SEC22A: variants seen among roughly 807,000 people sequenced by gnomAD.
SEC22A encodes the protein SEC22 homolog A, vesicle trafficking protein.
SEC22A carries 22 observed loss-of-function variants against 35.3 expected under a neutral mutation model. The observed-to-expected ratio is 0.62, with a 90% CI of 0.45 to 0.89. The LOEUF (loss-of-function observed/expected upper bound fraction) is 0.89. Among genes scored for constraint, SEC22A ranks in the 40% least tolerant of loss-of-function variants. SEC22A has a pLI of 0.00. For missense variants in SEC22A, 354 were observed against 362.5 expected (o/e 0.98, Z 0.19); for synonymous variants, 119 against 129.5 (o/e 0.92, Z 0.55).
chr3:123,206,624 T>C (rs969143777), intron 1 of SEC22A, among the ~76,000 whole-genome samples: 14 of 152,134 alleles, frequency 9.2e-5, no homozygotes, highest in Admixed American at 3.3e-4. Context: ...GGGTTTATAG[T>C]ATAGATATCT....
At chr3:123,268,195 G>A (rs1938067882) in intron 6 of SEC22A, among the ~76,000 whole-genome samples, 1 of 152,184 alleles carries the variant, frequency 6.6e-6, no homozygotes, top group Non-Finnish European at 1.5e-5. Context: ...GTGATGTTTG[G>A]CTAGAGGATA....
intron 6 of SEC22A, among the ~76,000 whole-genome samples, chr3:123,268,189 TGTTTG>T (rs1938067821): frequency 6.6e-6 from 1 of 152,204 alleles, no homozygotes; most frequent in Non-Finnish European, 1.5e-5. Context: ...TTTTGTGTGA[TGTTTG>T]GCTAGAGGAT....
At chr3:123,250,663 A>G (rs1253244719) in intron 5 of SEC22A, among the ~76,000 whole-genome samples, 1 of 152,136 alleles carries the variant, frequency 6.6e-6, no homozygotes, top group African/African-American at 2.4e-5. Flanking sequence ...TCAGGAATTC[A>G]TGTTTCAAGG....
chr3:123,220,892 A>G (rs1288083870), intron 2 of SEC22A, among the ~76,000 whole-genome samples: 1 of 144,832 alleles, frequency 6.9e-6, no homozygotes, highest in Non-Finnish European at 1.5e-5. Flanking sequence ...ATATATATAT[A>G]TATATGTCAC....
At chr3:123,252,224 T>TTA (rs1553712269) in intron 5 of SEC22A, among the ~76,000 whole-genome samples, 3 of 152,170 alleles carry the variant, frequency 2.0e-5, no homozygotes, top group African/African-American at 7.2e-5. Flanking sequence ...AGACATACTC[T>TTA]TAGCCCTCTT....
intron 4 of SEC22A, among the ~76,000 whole-genome samples, chr3:123,230,770 G>A (rs557909420): frequency 1.4e-5 from 2 of 144,790 alleles, no homozygotes; most frequent in Admixed American, 1.4e-4. Context: ...TAAGAAAAAA[G>A]GGAAAAAATG....
chr3:123,234,178 ATTAT>A (rs1303884732), intron 4 of SEC22A, among the ~76,000 whole-genome samples: 1 of 152,244 alleles, frequency 6.6e-6, no homozygotes, highest in Non-Finnish European at 1.5e-5. Context: ...GAAAGACAGT[ATTAT>A]TTACATGGTT....
chr3:123,239,190 A>T (rs1311489815), intron 4 of SEC22A, among the ~76,000 whole-genome samples: 1 of 152,212 alleles, frequency 6.6e-6, no homozygotes, highest in African/African-American at 2.4e-5. Context: ...ATAGTTTGTT[A>T]TACTCACTGA....
intron 4 of SEC22A, among the ~76,000 whole-genome samples, chr3:123,226,305 T>C (rs1469016209): frequency 6.6e-6 from 1 of 152,226 alleles, no homozygotes; most frequent in East Asian, 1.9e-4. Flanking sequence ...GTTGTACTAA[T>C]TTACATCCCC....
intron 4 of SEC22A, among the ~76,000 whole-genome samples, chr3:123,239,539 A>G (rs1279874410): frequency 1.3e-5 from 2 of 151,044 alleles, no homozygotes; most frequent in African/African-American, 2.4e-5. Flanking sequence ...GTGAGATGGT[A>G]TCTCATTGTG....
chr3:123,203,518 A>T (rs1936794302), intron 1 of SEC22A, among the ~76,000 whole-genome samples: 1 of 152,238 alleles, frequency 6.6e-6, no homozygotes, highest in Non-Finnish European at 1.5e-5. Flanking sequence ...AGATGCTATT[A>T]GTAGCCACAA....
chr3:123,226,310 A>G (rs570956469), intron 4 of SEC22A, among the ~76,000 whole-genome samples: 32 of 152,312 alleles, frequency 2.1e-4, no homozygotes, highest in Admixed American at 7.8e-4. Flanking sequence ...ACTAATTTAC[A>G]TCCCCACCAA....
chr3:123,269,267 A>C (rs1938105258), intron 6 of SEC22A, among the ~76,000 whole-genome samples: 2 of 151,772 alleles, frequency 1.3e-5, no homozygotes, highest in African/African-American at 4.9e-5. Flanking sequence ...TCCAAGCAAT[A>C]AATATAGATA....
At chr3:123,262,889 G>C (rs1937925228) in intron 6 of SEC22A, among the ~76,000 whole-genome samples, 1 of 152,134 alleles carries the variant, frequency 6.6e-6, no homozygotes, top group Admixed American at 6.5e-5. Flanking sequence ...GATTTACGTG[G>C]AGTTGCAAGA....
At chr3:123,265,124 C>T (rs1937997874) in intron 6 of SEC22A, among the ~76,000 whole-genome samples, 1 of 152,130 alleles carries the variant, frequency 6.6e-6, no homozygotes, top group Admixed American at 6.5e-5. Context: ...TATTTCTTTT[C>T]ATTCCGTAAA....
chr3:123,264,689 C>A (rs1385854182), intron 6 of SEC22A, among the ~76,000 whole-genome samples: 2 of 149,508 alleles, frequency 1.3e-5, no homozygotes, highest in Admixed American at 1.3e-4. Flanking sequence ...AGTGCAGTGT[C>A]ATGATCTCGG....
At chr3:123,205,772 G>T (rs1042151921) in intron 1 of SEC22A, among the ~76,000 whole-genome samples, 1 of 152,176 alleles carries the variant, frequency 6.6e-6, no homozygotes, top group Admixed American at 6.5e-5. Context: ...GAAGTGGTGG[G>T]CAACACACCT....
chr3:123,241,822 TC>T (rs1256635825), intron 4 of SEC22A, among the ~76,000 whole-genome samples: 1 of 151,942 alleles, frequency 6.6e-6, no homozygotes, highest in African/African-American at 2.4e-5. Context: ...AAAGATGAGA[TC>T]CAGTCATTCG....
chr3:123,229,215 G>T (rs1376860433), intron 4 of SEC22A, among the ~76,000 whole-genome samples: 2 of 151,828 alleles, frequency 1.3e-5, no homozygotes, highest in African/African-American at 4.8e-5. Context: ...TAAAGACAAG[G>T]AGAAAGTCTT....
Sources: allele counts gnomAD v4.1 joint callset (sites outside exome capture counted in the v4.1 genomes callset), GRCh38; gene constraint gnomAD v4.1.1; transcripts MANE v1.5; gene names NCBI Gene and HGNC (gene_info 2026-07-23, HGNC 2026-07-21).